The following KCND2 variants were observed in gnomAD, a reference collection of about 807,000 sequenced individuals.
KCND2 encodes A-type voltage-gated potassium channel KCND2.
A neutral mutation model predicts 54.4 loss-of-function variants in KCND2; 16 were observed. The observed-to-expected ratio is 0.29, with a 90% CI of 0.20 to 0.45. The LOEUF (loss-of-function observed/expected upper bound fraction) is 0.45, where lower values mean the gene tolerates loss of function less well. Among genes scored for constraint, KCND2 ranks in the 20% least tolerant of loss-of-function variants. The pLI, the probability that KCND2 is intolerant of heterozygous loss-of-function variation, is 1.00. For missense variants in KCND2, 486 were observed against 824.2 expected, an observed-to-expected ratio of 0.59 and a Z score of 5.02; for synonymous variants, 317 against 310.7, an observed-to-expected ratio of 1.02 and a Z score of -0.21.
In KCND2 at chr7:120,301,923, G is replaced by A. The variant is rs142822205; in HGVS notation, c.1115+26176G>A. Among the ~76,000 whole-genome samples, 809 of 152,098 alleles carry A rather than the reference G, an allele frequency of 5.3e-3. 6 individuals are homozygous for A. Among genetic ancestry groups the A allele is most frequent in the African/African-American group, 0.018 (737 of 41,490 alleles). ...ATATGATAACTTTTTTCCAAAATGC[G>A]TGTTTTCTGGAATCATATGTATGAT... On this transcript the variant is annotated intron_variant, in intron 1 of 5. Transcript: ENST00000331113.
At chr7:120,391,422 GTA>G (rs1361700648) in intron 1 of KCND2, among the ~76,000 whole-genome samples, 8 of 152,056 alleles carry the variant, frequency 5.3e-5, no homozygotes, top group Non-Finnish European at 1.2e-4. Context: ...AATCTTCTGG[GTA>G]TATACCCAGT....
intron 1 of KCND2, among the ~76,000 whole-genome samples, chr7:120,509,412 A>G (rs555727731): frequency 1.3e-5 from 2 of 152,186 alleles, no homozygotes; most frequent in Admixed American, 6.6e-5. Context: ...TAAATCTTCA[A>G]TACATGTAAC....
At position 120,351,266 on chromosome 7, in the gene KCND2, A is replaced by ATATATATATATATATATATC. The variant is rs1375713144; in HGVS notation, c.1115+75520_1115+75521insATATATATATATATATATCT. ...TGTGTATATATATATATATATATAT[A>ATATATATATATATATATATC]TCCAGTATATTATTTCAGGTTATAT... On this transcript the variant is annotated intron_variant, in intron 1 of 5. Transcript: ENST00000331113. Among the ~76,000 whole-genome samples the ATATATATATATATATATATC allele has an allele frequency of 3.9e-4, 57 of 145,298 alleles. 1 individual carries two copies. Among genetic ancestry groups the ATATATATATATATATATATC allele is most frequent in the African/African-American group, 1.3e-3 (52 of 39,478 alleles).
chr7:120,319,025 T>C (rs535513197), intron 1 of KCND2, among the ~76,000 whole-genome samples: 1 of 152,216 alleles, frequency 6.6e-6, no homozygotes, highest in East Asian at 1.9e-4. Context: ...TTCAACAGAT[T>C]TGCTCAGTTT....
At chr7:120,653,224 T>C (rs145032075) in intron 1 of KCND2, among the ~76,000 whole-genome samples, 5,077 of 151,384 alleles carry the variant, frequency 0.034, 199 homozygotes, top group African/African-American at 0.1. Context: ...TTTTGTATTT[T>C]TGGTAGAGAT....
intron 1 of KCND2, among the ~76,000 whole-genome samples, chr7:120,724,195 A>G (rs1422522866): frequency 6.6e-6 from 1 of 152,336 alleles, no homozygotes; most frequent in African/African-American, 2.4e-5. Flanking sequence ...TAACAATGAC[A>G]TGATCTTTGA....
At chr7:120,459,093 T>A (rs191917254) in intron 1 of KCND2, among the ~76,000 whole-genome samples, 3 of 152,202 alleles carry the variant, frequency 2.0e-5, no homozygotes, top group Admixed American at 1.3e-4. Context: ...AACCTTCCAA[T>A]GGCCTGCAAA....
chr7:120,694,164 G>T (rs1056047315), intron 1 of KCND2, among the ~76,000 whole-genome samples: 2 of 152,236 alleles, frequency 1.3e-5, no homozygotes, highest in African/African-American at 4.8e-5. Flanking sequence ...GCCTATTTGT[G>T]TGTAGGGTCT....
At chr7:120,324,532 C>T (rs987459805) in intron 1 of KCND2, among the ~76,000 whole-genome samples, 1 of 150,164 alleles carries the variant, frequency 6.7e-6, no homozygotes, top group African/African-American at 2.4e-5. Context: ...AGCCAGTTTT[C>T]CCAGCACCAT....
At chr7:120,312,376 G>A (rs1036191893) in intron 1 of KCND2, among the ~76,000 whole-genome samples, 2 of 151,880 alleles carry the variant, frequency 1.3e-5, no homozygotes, top group Non-Finnish European at 2.9e-5. Flanking sequence ...ATAACAGAAA[G>A]ATTTATATTC....
At chr7:120,489,423 C>A (rs1295803299) in intron 1 of KCND2, among the ~76,000 whole-genome samples, 1 of 152,092 alleles carries the variant, frequency 6.6e-6, no homozygotes, top group Non-Finnish European at 1.5e-5. Context: ...CACATTCACT[C>A]AGTTGTTGGA....
intron 1 of KCND2, among the ~76,000 whole-genome samples, chr7:120,472,620 G>A (rs1180546880): frequency 6.6e-6 from 1 of 151,966 alleles, no homozygotes; most frequent in Non-Finnish European, 1.5e-5. Context: ...TGGTTGGTTG[G>A]TTGATTGGCT....
intron 1 of KCND2, among the ~76,000 whole-genome samples, chr7:120,389,710 T>G (rs914593063): frequency 1.3e-5 from 2 of 152,008 alleles, no homozygotes; most frequent in Non-Finnish European, 2.9e-5. Context: ...TATATTTAAA[T>G]TCTACCATTT....
At chr7:120,575,421 C>T (rs144786820) in intron 1 of KCND2, among the ~76,000 whole-genome samples, 28 of 152,244 alleles carry the variant, frequency 1.8e-4, no homozygotes, top group African/African-American at 6.0e-4. Flanking sequence ...AATCCTTCCA[C>T]GTTCCTATGC....
intron 1 of KCND2, among the ~76,000 whole-genome samples, chr7:120,696,419 T>C (rs1792333167): frequency 6.6e-6 from 1 of 152,198 alleles, no homozygotes; most frequent in Non-Finnish European, 1.5e-5. Context: ...GGAAGTATTC[T>C]GTGACTTCTT....
At chr7:120,334,770 A>AC (rs1023358497) in intron 1 of KCND2, among the ~76,000 whole-genome samples, 7 of 152,116 alleles carry the variant, frequency 4.6e-5, no homozygotes, top group Admixed American at 2.0e-4. Context: ...TATTTGCATC[A>AC]CCCCCAGGAC....
chr7:120,446,829 A>G (rs2116208686), intron 1 of KCND2, among the ~76,000 whole-genome samples: 1 of 152,314 alleles, frequency 6.6e-6, no homozygotes, highest in Admixed American at 6.5e-5. Context: ...AGTTGTAAAA[A>G]TCATTAAGAT....
chr7:120,510,134 T>C (rs1803091071), intron 1 of KCND2, among the ~76,000 whole-genome samples: 3 of 152,098 alleles, frequency 2.0e-5, no homozygotes, highest in African/African-American at 7.2e-5. Flanking sequence ...CTTAAGTCAT[T>C]CCTAACCCTA....
At chr7:120,501,402 T>C (rs890795187) in intron 1 of KCND2, among the ~76,000 whole-genome samples, 2 of 151,946 alleles carry the variant, frequency 1.3e-5, no homozygotes, top group Non-Finnish European at 2.9e-5. Flanking sequence ...AAAAGATGAG[T>C]TGTGATTGAG....
Sources: allele counts gnomAD v4.1 joint callset (sites outside exome capture counted in the v4.1 genomes callset), GRCh38; gene constraint gnomAD v4.1.1; transcripts MANE v1.5; gene names NCBI Gene and HGNC (gene_info 2026-07-23, HGNC 2026-07-21).